The following CRELD1 variants were observed in gnomAD, a reference collection of about 807,000 sequenced individuals.
CRELD1 encodes CRELD disulfide isomerase 1.
Under a neutral mutation model 58.2 loss-of-function variants are expected in CRELD1, and 42 were observed. The ratio of observed to expected loss-of-function variants is 0.72; its 90% CI spans 0.56 to 0.93. The LOEUF is 0.93. Among genes scored for constraint, CRELD1 ranks in the 40% least tolerant of loss-of-function variants. The pLI is 0.00. For synonymous variants in CRELD1, 222 were observed against 202.0 expected (o/e 1.10, Z -0.84); for missense variants, 500 against 540.6 (o/e 0.92, Z 0.74).
chr3:9,938,177 C>A, intron 5 of CRELD1, 71 bp downstream of exon 5: 1 of 1,210,344 alleles, frequency 8.3e-7, no homozygotes, highest in Non-Finnish European at 1.2e-6. Flanking sequence ...TGGCTCTGTC[C>A]CTAGTTCGCT....
intron 2 of CRELD1, 75 bp from the exon 3 acceptor site, chr3:9,934,760 C>T: frequency 6.6e-7 from 1 of 1,526,096 alleles, no homozygotes; most frequent in Non-Finnish European, 9.0e-7. Context: ...GCCTCAGTTT[C>T]CTAGTCAGTA....
In CRELD1 at chr3:9,937,766, G is replaced by C. The variant is rs996931332; in HGVS notation, c.368+94G>C. ...CGAGAAGCAGGGGGGTGCATGCTGG[G>C]GCCCATGTCCTGGTTGTGCTCCTTC... On this transcript the variant is annotated intron_variant, in intron 4 of 10. Coordinates refer to ENST00000452070, the MANE Select transcript of CRELD1 (RefSeq NM_001077415.3). 7 of 918,130 alleles carry C rather than the reference G, an allele frequency of 7.6e-6. No homozygotes were observed. The African/African-American group carries it at 1.1e-4, about 15-fold the overall frequency. 56.9% of individuals were successfully genotyped at this position (918,130 alleles called of 1,614,324 possible). A position where few individuals can be genotyped will look rare whatever the true frequency, so the allele number is the denominator to read the frequency against.
rs571302976 is a variant in CRELD1 at position 9,938,831 on chromosome 3, G to A, written c.460+725G>A. Among the ~76,000 whole-genome samples, 633 of 151,952 alleles carry A rather than the reference G, an allele frequency of 4.2e-3. 1 individual carries two copies. The highest frequency in any genetic ancestry group is 7.0e-3 in the Non-Finnish European group (473 of 67,986). ...GCCGAGATCATGCCACTGCACTCCA[G>A]CCTGGGCGACAGAGCGAGACTCTGT... On this transcript the variant is annotated intron_variant, in intron 5 of 10. Coordinates refer to ENST00000452070, the MANE Select transcript of CRELD1 (RefSeq NM_001077415.3).
chr3:9,938,143 C>T (rs777003297), intron 5 of CRELD1, 37 bp downstream of exon 5: 4 of 1,482,536 alleles, frequency 2.7e-6, no homozygotes, highest in East Asian at 4.5e-5. Flanking sequence ...TGGGAGGGGA[C>T]CACCGAGTCC....
chr3:9,934,293 C>G, intron 1 of CRELD1, 127 bp from the exon 2 acceptor site: 1 of 736,564 alleles, frequency 1.4e-6, no homozygotes, highest in Non-Finnish European at 2.4e-6. Context: ...CCTGCAATAC[C>G]CAGTTTGGCC....
At chr3:9,939,683 A>G (rs986345484) in intron 5 of CRELD1, among the ~76,000 whole-genome samples, 3 of 152,280 alleles carry the variant, frequency 2.0e-5, no homozygotes, top group Non-Finnish European at 2.9e-5. Context: ...CCAAGGCAGA[A>G]GAATTTTTCT....
chr3:9,943,551 C>A (rs368360775), intron 10 of CRELD1, 36 bp downstream of exon 10: 1 of 1,613,644 alleles, frequency 6.2e-7, no homozygotes, highest in Non-Finnish European at 8.5e-7. Flanking sequence ...GGTCCTCATT[C>A]AAAGAGAAGG....
intron 3 of CRELD1, chr3:9,935,188 G>A (rs985407628): frequency 1.5e-5 from 6 of 402,398 alleles, no homozygotes; most frequent in African/African-American, 8.1e-5. Context: ...GACGGTGGGA[G>A]GCAAGGTGTT....
At position 9,942,885 on chromosome 3, in the gene CRELD1, A is replaced by G. The variant is rs369721468; in HGVS notation, c.806A>G (p.Tyr269Cys). ...TTCTGCGTGAACACTGAGGGCTCCT[A>G]TGAGTGCCGAGGTCAGTGTCTACTT... ...DQFCVNTEGS[Y>C]ECRDCAKACL... Residue 269 changes from tyrosine to cysteine, a missense_variant, in exon 8 of 11, where the codon TAT becomes TGT. By Grantham distance (194) the Tyr-to-Cys change is radical. Transcript: ENST00000452070. 1.2e-6 allele frequency: 2 copies of G among 1,613,912 alleles called. No individual in the cohort carries two copies. Among genetic ancestry groups the G allele is most frequent in the African/African-American group, 1.3e-5 (1 of 74,916 alleles).
chr3:9,937,453 G>A (rs2085225318), intron 3 of CRELD1, 109 bp from the exon 4 acceptor site: 1 of 762,310 alleles, frequency 1.3e-6, no homozygotes, highest in African/African-American at 1.7e-5. Context: ...TATACCTCAT[G>A]GCCTCTCCTT....
chr3:9,940,173 C>G lies in CRELD1; in HGVS notation c.461-677C>G, dbSNP rs1216303151. Among the ~76,000 whole-genome samples, 4 of 151,954 alleles carry G rather than the reference C, an allele frequency of 2.6e-5. No individual in the cohort carries two copies. In the South Asian group the frequency reaches 8.3e-4, roughly 32 times the overall value. On this transcript the variant is annotated intron_variant, in intron 5 of 10. Coordinates refer to ENST00000452070, the MANE Select transcript of CRELD1 (RefSeq NM_001077415.3). ...ATGGCGGCCGGGCAGAGACGCTCCT[C>G]ACTTTCCAGACTGGGCAGCCTGGCA...
At chr3:9,934,365 T>G in intron 1 of CRELD1, 55 bp from the exon 2 acceptor site, 1 of 1,400,872 alleles carries the variant, frequency 7.1e-7, no homozygotes, top group Non-Finnish European at 1.0e-6. Flanking sequence ...CCTTTTTCTT[T>G]CTCGCGTGGG....
rs1400714469 is a variant in CRELD1, at chr3:9,940,861, G to A, written c.472G>A (p.Gly158Arg). ...FGPSCLPCPG[G>R]TERPCGGYGQ... ...GTGTCTTCCCACAGCCTGTCCTGGG[G>A]GAACAGAGAGGCCCTGCGGTGGCTA... Residue 158 changes from glycine (G) to arginine (R), a missense_variant, in exon 6 of 11, where the codon GGA becomes AGA. Coordinates refer to ENST00000452070, the MANE Select transcript of CRELD1 (RefSeq NM_001077415.3). The A allele has an allele frequency of 5.6e-6, 9 of 1,613,912 alleles. No homozygotes were observed. The highest frequency in any genetic ancestry group is 7.6e-6 in the Non-Finnish European group (9 of 1,179,988).
Position 9,944,534 on chromosome 3 carries a change from A to G in CRELD1, c.1218A>G (p.Ser406=), listed in dbSNP as rs2085467087. The change falls in exon 11 of 11, where the codon TCA becomes TCG. Residue 406 remains serine (S), a synonymous_variant. Coordinates refer to ENST00000452070, the MANE Select transcript of CRELD1 (RefSeq NM_001077415.3). ...AVAAMTGYWL[S]ERSDRVLEGF... ...CGGCCATGACTGGCTACTGGTTGTC[A>G]GAGCGCAGTGACCGTGTGCTGGAGG... The G allele has an allele frequency of 4.3e-6, 7 of 1,611,730 alleles. No homozygotes were observed. Among genetic ancestry groups the G allele is most frequent in the Non-Finnish European group, 5.9e-6 (7 of 1,179,986 alleles).
rs746842992 is a variant in CRELD1 at position 9,938,008 on chromosome 3, G to A, written c.369-7G>A. The A allele has an allele frequency of 6.2e-7, 1 of 1,610,476 alleles. No individual in the cohort carries two copies. Among genetic ancestry groups the A allele is most frequent in the East Asian group, 2.2e-5 (1 of 44,840 alleles). Reference sequence around the variant, plus strand: ...CCCCACCTCCCTCCACCCTGCCCCTGCCTCAGGCAGCAGGAGGCCCCGGAC... The same window carrying A: ...CCCCACCTCCCTCCACCCTGCCCCTACCTCAGGCAGCAGGAGGCCCCGGAC... On this transcript the variant is annotated splice_region_variant and splice_polypyrimidine_tract_variant and intron_variant, in intron 4 of 10. Transcript: ENST00000452070.
chr3:9,934,135 C>T (rs906288110), intron 1 of CRELD1: 4 of 474,002 alleles, frequency 8.4e-6, no homozygotes, highest in Non-Finnish European at 1.5e-5. Flanking sequence ...CCCTAATATT[C>T]TTTATCAGAC....
chr3:9,937,672 A>T lies in CRELD1; in HGVS notation c.368A>T (p.Lys123Met), dbSNP rs544520628. The change falls in exon 4 of 11, where the codon AAG becomes ATG. Residue 123 changes from lysine (K) to methionine (M), a missense_variant and splice_region_variant. By Grantham distance (95) the Lys-to-Met change is moderately conservative (BLOSUM62 -1). Coordinates refer to ENST00000452070, the MANE Select transcript of CRELD1 (RefSeq NM_001077415.3). ...CTGGTGGAGAGCTGGTGGTTTCACA[A>T]GTGAGTGGCAAAGGGCCTTCCCTGG... ...EELVESWWFH[K>M]QQEAPDLFQW... The T allele has an allele frequency of 4.2e-5, 67 of 1,598,310 alleles. No individual in the cohort carries two copies. In the South Asian group the frequency reaches 7.3e-4, roughly 17 times the overall value.
At position 9,933,834 on chromosome 3, in the gene CRELD1, A is replaced by C. The variant is rs1464334474; in HGVS notation, c.-106A>C. On this transcript the variant is annotated 5_prime_UTR_variant, in exon 1 of 11. Coordinates refer to ENST00000452070, the MANE Select transcript of CRELD1 (RefSeq NM_001077415.3). ...CGGGTGGGGGTTGTGCGTTTTACGC[A>C]GGCTGTGGCAGCGACGCGGTGAGGA... The C allele has an allele frequency of 5.6e-6, 3 of 534,498 alleles. No homozygotes were observed. The highest frequency in any genetic ancestry group is 4.0e-5 in the African/African-American group (2 of 50,164). 33.1% of individuals were successfully genotyped at this position (534,498 alleles called of 1,614,324 possible). A position where few individuals can be genotyped will look rare whatever the true frequency, so the allele number is the denominator to read the frequency against.
rs2085330565 is a variant in CRELD1, at chr3:9,940,514, G to A, written c.461-336G>A. Among the ~76,000 whole-genome samples, 3 of 152,034 alleles carry A rather than the reference G, an allele frequency of 2.0e-5. No homozygotes were observed. The South Asian group carries it at 6.3e-4, about 32-fold the overall frequency. On this transcript the variant is annotated intron_variant, in intron 5 of 10. Coordinates refer to ENST00000452070, the MANE Select transcript of CRELD1 (RefSeq NM_001077415.3). ...AACCCCGTCTCCACCAAAAAAATAC[G>A]AAAACCAGTCAGGCGTGGTGGCGCG...
Sources: gnomAD v4.1 joint callset for allele counts (sites outside exome capture counted in the v4.1 genomes callset) on GRCh38, gnomAD v4.1.1 for gene constraint, MANE v1.5 for transcripts, NCBI Gene and HGNC (gene_info 2026-07-23, HGNC 2026-07-21) for gene names.